Variants in HIPK2 observed in about 807,000 individuals in gnomAD.
HIPK2 encodes homeodomain-interacting protein kinase 2.
In HIPK2, 27 loss-of-function variants were observed where a neutral mutation model predicts 113.7. The ratio of observed to expected loss-of-function variants is 0.24; its 90% CI spans 0.17 to 0.33. The LOEUF is 0.33. Ranked by LOEUF, HIPK2 falls within the 10% of genes least tolerant of loss-of-function variation. HIPK2 has a pLI of 1.00. For missense variants in HIPK2, 1,257 were observed against 1,588.0 expected (o/e 0.79, Z 3.54); for synonymous variants, 631 against 642.2 (o/e 0.98, Z 0.26).
In HIPK2 at chr7:139,568,618, G is replaced by A. The variant is rs1253576946; in HGVS notation, c.*4309C>T. ...AATGTCTCTTCAAATGGGAAGGAGG[G>A]AGCCCACAAAAGACTAGAGGATGCT... On this transcript the variant is annotated 3_prime_UTR_variant, in exon 15 of 15. Transcript: ENST00000406875. 1 of 152,246 alleles carries A rather than the reference G, an allele frequency of 6.6e-6. No homozygotes were observed. The highest frequency in any genetic ancestry group is 1.5e-5 in the Non-Finnish European group (1 of 68,060). 9.4% of individuals were successfully genotyped at this position (152,246 alleles called of 1,614,324 possible). A position where few individuals can be genotyped will look rare whatever the true frequency, so the allele number is the denominator to read the frequency against.
At chr7:139,602,728 G>C (rs1164776100) in intron 10 of HIPK2, among the ~76,000 whole-genome samples, 1 of 152,150 alleles carries the variant, frequency 6.6e-6, no homozygotes, top group African/African-American at 2.4e-5. Context: ...TGTGATAGTG[G>C]GGAGGGAAGA....
chr7:139,654,230 G>A (rs1475803629), intron 2 of HIPK2, among the ~76,000 whole-genome samples: 1 of 152,176 alleles, frequency 6.6e-6, no homozygotes, highest in Non-Finnish European at 1.5e-5. Flanking sequence ...ACATATTTGA[G>A]GTTAGGCACA....
intron 1 of HIPK2, among the ~76,000 whole-genome samples, chr7:139,724,547 A>G (rs1158108584): frequency 6.6e-6 from 1 of 152,062 alleles, no homozygotes; most frequent in South Asian, 2.1e-4. Context: ...TATTATTATT[A>G]TACTTTAAGT....
At chr7:139,577,349 C>T (rs191819145) in intron 13 of HIPK2, among the ~76,000 whole-genome samples, 3 of 152,092 alleles carry the variant, frequency 2.0e-5, no homozygotes, top group Admixed American at 2.0e-4. Flanking sequence ...CAGGGTTTCA[C>T]CATGTTGGCC....
chr7:139,629,704 G>A (rs183131796), intron 4 of HIPK2, among the ~76,000 whole-genome samples: 195 of 152,264 alleles, frequency 1.3e-3, no homozygotes, highest in African/African-American at 4.6e-3. Context: ...ATGGATTTCT[G>A]TACTCATCCA....
intron 1 of HIPK2, among the ~76,000 whole-genome samples, chr7:139,736,196 G>A (rs1175708559): frequency 1.3e-5 from 2 of 152,274 alleles, no homozygotes; most frequent in South Asian, 4.2e-4. Flanking sequence ...CAGGGAAGGT[G>A]CAGACAACAA....
chr7:139,596,825 C>G lies in HIPK2; in HGVS notation c.2609G>C (p.Arg870Pro). Residue 870 changes from arginine to proline, a missense_variant, in exon 12 of 15, where the codon CGG becomes CCG. Arg to Pro is a moderately radical substitution (Grantham distance 103). This residue lies in a region of HIPK2 where 862 missense variants were observed against 1,004.3 expected (regional missense o/e 0.86). Transcript: ENST00000406875. ...GGGAATGACAATTGTCTGCCGCTGC[C>G]GTTCCCGGGTGGTGCTGGAGGCCAC... is the stretch of plus-strand genomic sequence containing the variant. The part of the protein sequence containing the change: ...GDVASSTTRE[R>P]QRQTIVIPDT... 6.2e-7 allele frequency: 1 copy of G among 1,613,982 alleles called. No individual in the cohort carries two copies. The highest frequency in any genetic ancestry group is 8.5e-7 in the Non-Finnish European group (1 of 1,179,896).
rs115717798 is a variant in HIPK2 at position 139,669,290 on chromosome 7, C to T, written c.1104-37565G>A. Among the ~76,000 whole-genome samples, 992 of 152,234 alleles carry T rather than the reference C, an allele frequency of 6.5e-3. 12 individuals are homozygous for T. The highest frequency in any genetic ancestry group is 0.02 in the African/African-American group (844 of 41,524). On this transcript the variant is annotated intron_variant, in intron 2 of 14. Coordinates refer to ENST00000406875, the MANE Select transcript of HIPK2 (RefSeq NM_022740.5). ...CAAAGGATGAACAATAAACAGAAGC[C>T]GTGCTCTCCCAATTTGAGGCATTGG...
chr7:139,574,096 G>A (rs1798406954), intron 14 of HIPK2, among the ~76,000 whole-genome samples: 2 of 152,260 alleles, frequency 1.3e-5, no homozygotes, highest in South Asian at 4.2e-4. Context: ...GAGAAGCTGG[G>A]ACTACAGGCG....
At position 139,567,299 on chromosome 7, in the gene HIPK2, C is replaced by T. The variant is rs1481144669; in HGVS notation, c.*5628G>A. 1 of 152,004 alleles carries T rather than the reference C, an allele frequency of 6.6e-6. No homozygotes were observed. Among genetic ancestry groups the T allele is most frequent in the Non-Finnish European group, 1.5e-5 (1 of 68,048 alleles). 9.4% of individuals were successfully genotyped at this position (152,004 alleles called of 1,614,324 possible). A position where few individuals can be genotyped will look rare whatever the true frequency, so the allele number is the denominator to read the frequency against. ...GGTGGCCTGGGATTAGTCAAGCCCA[C>T]GTATTGGTATGGCACCTTGTCTCCC... On this transcript the variant is annotated 3_prime_UTR_variant, in exon 15 of 15. Coordinates refer to ENST00000406875, the MANE Select transcript of HIPK2 (RefSeq NM_022740.5).
At chr7:139,767,652 C>G (rs1445154766) in intron 1 of HIPK2, among the ~76,000 whole-genome samples, 2 of 152,226 alleles carry the variant, frequency 1.3e-5, no homozygotes, top group African/African-American at 4.8e-5. Context: ...TGGCAAGCAA[C>G]AGGAAATGGG....
chr7:139,741,424 C>G (rs1300567651), intron 1 of HIPK2, among the ~76,000 whole-genome samples: 2 of 152,152 alleles, frequency 1.3e-5, no homozygotes, highest in African/African-American at 4.8e-5. Flanking sequence ...ACCTTTGCCC[C>G]CTCGGGACAA....
At chr7:139,589,594 C>A (rs1470136811) in intron 12 of HIPK2, among the ~76,000 whole-genome samples, 1 of 152,144 alleles carries the variant, frequency 6.6e-6, no homozygotes, top group East Asian at 1.9e-4. Context: ...ACACAACAGC[C>A]ACTTCATGAG....
intron 2 of HIPK2, among the ~76,000 whole-genome samples, chr7:139,648,783 C>T (rs1801342712): frequency 6.6e-6 from 1 of 151,694 alleles, no homozygotes; most frequent in Non-Finnish European, 1.5e-5. Flanking sequence ...GGAGAGGGTG[C>T]TGCGGGTTTT....
chr7:139,761,998 T>C (rs1221101663), intron 1 of HIPK2, among the ~76,000 whole-genome samples: 1 of 152,184 alleles, frequency 6.6e-6, no homozygotes, highest in African/African-American at 2.4e-5. Context: ...CTTGCCTTTA[T>C]TTTCTAATTT....
chr7:139,748,098 GCTTT>G (rs755027677), intron 1 of HIPK2, among the ~76,000 whole-genome samples: 5 of 152,056 alleles, frequency 3.3e-5, no homozygotes, highest in Admixed American at 2.0e-4. Context: ...GGACAAAATT[GCTTT>G]CTCTAAAAAA....
intron 1 of HIPK2, among the ~76,000 whole-genome samples, chr7:139,734,313 CTAA>C (rs1157861248): frequency 6.6e-6 from 1 of 152,208 alleles, no homozygotes; most frequent in Non-Finnish European, 1.5e-5. Context: ...AATCCCCCAC[CTAA>C]TAACTTTTCT....
chr7:139,578,320 A>G (rs569213518), intron 13 of HIPK2, among the ~76,000 whole-genome samples: 1 of 151,926 alleles, frequency 6.6e-6, no homozygotes, highest in East Asian at 1.9e-4. Flanking sequence ...TAATTTTTGT[A>G]TTTTTGGTAG....
intron 2 of HIPK2, among the ~76,000 whole-genome samples, chr7:139,634,770 T>C (rs1281786651): frequency 6.9e-6 from 1 of 145,912 alleles, no homozygotes; most frequent in East Asian, 2.0e-4. Flanking sequence ...CTCCACCTCC[T>C]GGGTTCAAGC....
Sources: allele counts gnomAD v4.1 joint callset (sites outside exome capture counted in the v4.1 genomes callset), GRCh38; gene constraint gnomAD v4.1.1; regional missense constraint gnomAD v4.1.1; transcripts MANE v1.5; gene names NCBI Gene and HGNC (gene_info 2026-07-23, HGNC 2026-07-21).